Variants in RANBP2 observed in about 807,000 individuals in gnomAD.
RANBP2 encodes the protein RAN binding protein 2.
In RANBP2, 57 loss-of-function variants were observed where a neutral mutation model predicts 303.6. The observed-to-expected ratio is 0.19, with a 90% CI of 0.15 to 0.23. The LOEUF (loss-of-function observed/expected upper bound fraction) is 0.23, where lower values mean the gene tolerates loss of function less well. Among genes scored for constraint, RANBP2 ranks in the 10% least tolerant of loss-of-function variants. RANBP2 has a pLI of 1.00. For missense variants in RANBP2, 3,138 were observed against 3,780.8 expected, an observed-to-expected ratio of 0.83 and a Z score of 4.46; for synonymous variants, 1,167 against 1,301.5, an observed-to-expected ratio of 0.90 and a Z score of 2.23.
chr2:109,250,322 G>T, the RANBP2 span, among the ~76,000 whole-genome samples: 2 of 151,976 alleles, frequency 1.3e-5, no homozygotes, highest in Admixed American at 6.5e-5. Context: ...CAACGTGGGG[G>T]TTTCTAAACA....
chr2:109,339,880 T>A, the RANBP2 span, among the ~76,000 whole-genome samples: 4 of 152,142 alleles, frequency 2.6e-5, no homozygotes, highest in Non-Finnish European at 5.9e-5. Context: ...CTTCCATAAT[T>A]AAACAGATAA....
At chr2:109,403,654 G>T in the RANBP2 span, among the ~76,000 whole-genome samples, 38 of 152,322 alleles carry the variant, frequency 2.5e-4, 1 homozygote, top group African/African-American at 8.9e-4. Context: ...TTTAGGCTGA[G>T]GCCAGGCTCA....
chr2:109,432,426 C>G, the RANBP2 span: 1 of 1,562,744 alleles, frequency 6.4e-7, no homozygotes, highest in Non-Finnish European at 8.7e-7. Flanking sequence ...AAGACAACCT[C>G]CCCCCAGGAA....
At chr2:108,772,400 G>A in intron 21 of RANBP2, 89 bp from the exon 22 acceptor site, 1 of 973,072 alleles carries the variant, frequency 1.0e-6, no homozygotes, top group South Asian at 1.3e-5. Context: ...GATGTGGAGA[G>A]TGAGAAATGG....
chr2:109,106,969 G>A, the RANBP2 span, among the ~76,000 whole-genome samples: 13 of 126,796 alleles, frequency 1.0e-4, no homozygotes, highest in Admixed American at 3.9e-4. Flanking sequence ...ACAGAGTCTC[G>A]TTCTGTCACC....
At chr2:109,582,404 C>T in the RANBP2 span, among the ~76,000 whole-genome samples, 2 of 152,154 alleles carry the variant, frequency 1.3e-5, no homozygotes, top group South Asian at 2.1e-4. Flanking sequence ...ACTGCAGCTT[C>T]GACTTCCCAG....
chr2:109,306,169 A>T, the RANBP2 span, among the ~76,000 whole-genome samples: 1 of 152,238 alleles, frequency 6.6e-6, no homozygotes. Context: ...TTATAGAGAA[A>T]ATCCACTAAA....
chr2:109,186,157 CCAG>C, the RANBP2 span, among the ~76,000 whole-genome samples: 1 of 152,222 alleles, frequency 6.6e-6, no homozygotes, highest in Non-Finnish European at 1.5e-5. Context: ...AATAATTTTC[CCAG>C]CATTTGAAAA....
the RANBP2 span, among the ~76,000 whole-genome samples, chr2:108,869,328 G>T: frequency 6.6e-6 from 1 of 152,186 alleles, no homozygotes; most frequent in Admixed American, 6.5e-5. Context: ...GCACAGTGCA[G>T]CACAAAGAGA....
the RANBP2 span, among the ~76,000 whole-genome samples, chr2:109,203,883 C>T: frequency 8.5e-5 from 13 of 152,326 alleles, no homozygotes; most frequent in East Asian, 5.8e-4. Flanking sequence ...GTTCCCTGTG[C>T]GGCCTGGCAG....
At chr2:109,305,493 C>G in the RANBP2 span, among the ~76,000 whole-genome samples, 1 of 152,218 alleles carries the variant, frequency 6.6e-6, no homozygotes, top group Non-Finnish European at 1.5e-5. Context: ...TAGTTTCCTT[C>G]TGGTCTCTCC....
chr2:108,782,716 G>A lies in RANBP2; in HGVS notation c.9223G>A (p.Glu3075Lys). 1.2e-6 allele frequency: 2 copies of A among 1,614,204 alleles called. No homozygotes were observed. The highest frequency in any genetic ancestry group is 1.6e-4 in the Middle Eastern group (1 of 6,062). Residue 3075 changes from glutamate (E) to lysine (K), a missense_variant, in exon 28 of 29, where the codon GAA becomes AAA. Around this residue, in one of 20 missense-constraint regions of RANBP2, gnomAD observed 204 missense variants for 228.4 expected, o/e 0.89. Coordinates refer to ENST00000283195, the MANE Select transcript of RANBP2 (RefSeq NM_006267.5). The part of the protein sequence containing the change: ...VVFFDVCADG[E>K]PLGRITMELF... ...GTTTTTTGATGTTTGTGCGGACGGT[G>A]AACCTCTAGGGCGGATAACTATGGA... is the stretch of plus-strand genomic sequence containing the variant.
In RANBP2 at chr2:108,763,233, T is replaced by C. The variant is rs757813505; in HGVS notation, c.2698-4T>C. 4 of 1,613,374 alleles carry C rather than the reference T, an allele frequency of 2.5e-6. No homozygotes were observed. The African/African-American group carries it at 5.3e-5, about 22-fold the overall frequency. ...ACAAAATGTTTTAACTTTCTGTCTT[T>C]TAGGGCCCAGTCTATGGCATGAATA... On this transcript the variant is annotated splice_region_variant and splice_polypyrimidine_tract_variant and intron_variant, in intron 19 of 28. Transcript: ENST00000283195.
the RANBP2 span, among the ~76,000 whole-genome samples, chr2:109,399,411 T>C: frequency 3.3e-5 from 5 of 152,138 alleles, no homozygotes; most frequent in African/African-American, 9.7e-5. Flanking sequence ...CTGTTGTTTC[T>C]ACAGATACCT....
At chr2:109,734,956 C>G in the RANBP2 span, among the ~76,000 whole-genome samples, 1 of 152,100 alleles carries the variant, frequency 6.6e-6, no homozygotes, top group Non-Finnish European at 1.5e-5. Flanking sequence ...ATGCTCAAAT[C>G]AGGGTAATTA....
the RANBP2 span, among the ~76,000 whole-genome samples, chr2:109,377,985 C>T: frequency 2.6e-5 from 4 of 152,254 alleles, no homozygotes; most frequent in Non-Finnish European, 4.4e-5. Context: ...TTCTGCACTA[C>T]CTCAAAGTAG....
At chr2:109,383,317 A>T in the RANBP2 span, among the ~76,000 whole-genome samples, 1 of 152,186 alleles carries the variant, frequency 6.6e-6, no homozygotes, top group African/African-American at 2.4e-5. Context: ...CTGGGGGGTC[A>T]TGGGGGACCC....
rs1694093716 is a variant in RANBP2 at position 108,719,958 on chromosome 2, G to A, written c.72+280G>A. The stretch of plus-strand genomic sequence containing the variant: ...GGTGCTCGCTCCTGGGGCCGCCCTG[G>A]CCCGGGCTTTCTGGCCGATCGCGCA... On this transcript the variant is annotated intron_variant, in intron 1 of 28. Transcript: ENST00000283195. 13 of 985,322 alleles carry A rather than the reference G, an allele frequency of 1.3e-5. No homozygotes were observed. In the South Asian group the frequency reaches 4.2e-4, roughly 32 times the overall value. 61.0% of individuals were successfully genotyped at this position (985,322 alleles called of 1,614,324 possible).
chr2:108,855,472 TAC>T, the RANBP2 span, among the ~76,000 whole-genome samples: 34 of 151,894 alleles, frequency 2.2e-4, no homozygotes, highest in African/African-American at 7.7e-4. Flanking sequence ...TATACTCTTC[TAC>T]CTGTGGTGTT....
Sources: gnomAD v4.1 joint callset for allele counts (sites outside exome capture counted in the v4.1 genomes callset) on GRCh38, gnomAD v4.1.1 for gene constraint, gnomAD v4.1.1 regional missense constraint, MANE v1.5 for transcripts, NCBI Gene and HGNC (gene_info 2026-07-23, HGNC 2026-07-21) for gene names.